Variants in RASSF8 observed in about 807,000 individuals in gnomAD.
The protein encoded by RASSF8 is ras association domain-containing protein 8.
RASSF8 carries 22 observed loss-of-function variants against 48.5 expected under a neutral mutation model. The ratio of observed to expected loss-of-function variants is 0.45; its 90% confidence interval spans 0.32 to 0.65. The LOEUF (loss-of-function observed/expected upper bound fraction) is 0.65, where lower values mean the gene tolerates loss of function less well. Among genes scored for constraint, RASSF8 ranks in the 30% least tolerant of loss-of-function variants. RASSF8 has a pLI of 0.03. For synonymous variants in RASSF8, 127 were observed against 171.5 expected, an observed-to-expected ratio of 0.74 and a Z score of 2.03; for missense variants, 418 against 489.2, an observed-to-expected ratio of 0.85 and a Z score of 1.37.
At chr12:25,978,435 A>G (rs1195670612) in intron 1 of RASSF8, among the ~76,000 whole-genome samples, 1 of 152,226 alleles carries the variant, frequency 6.6e-6, no homozygotes, top group African/African-American at 2.4e-5. Flanking sequence ...TTATATATGT[A>G]CTACATATAA....
chr12:25,996,381 A>G (rs12317401), intron 2 of RASSF8, among the ~76,000 whole-genome samples: 10,115 of 152,286 alleles, frequency 0.066, 544 homozygotes, highest in African/African-American at 0.15. Context: ...GCTGTGCTAT[A>G]AAGCTTTCTT....
chr12:25,971,570 GAAAAAAAAGA>G lies in RASSF8; in HGVS notation c.-203+12434_-203+12443del, dbSNP rs376052861. On this transcript the variant is annotated intron_variant, in intron 1 of 5. Coordinates refer to ENST00000689635, the MANE Select transcript of RASSF8 (RefSeq NM_001394098.1). ...GTCTTCCTAGTTTTCATTTCATATG[GAAAAAAAAGA>G]AAAAAAAAGAAGAAGAAAAGTATTT... Among the ~76,000 whole-genome samples, 1,189 of 149,104 alleles carry G rather than the reference GAAAAAAAAGA, an allele frequency of 8.0e-3. 14 individuals are homozygous for G. The highest frequency in any genetic ancestry group is 0.028 in the African/African-American group (1,137 of 40,550).
intron 1 of RASSF8, among the ~76,000 whole-genome samples, chr12:25,994,007 C>G (rs945410277): frequency 2.6e-5 from 4 of 152,128 alleles, no homozygotes; most frequent in African/African-American, 9.7e-5. Flanking sequence ...GCTTTGGAGA[C>G]AAAGTCTTCA....
rs889559082 is a variant in RASSF8, at chr12:26,071,490, A to G, written c.*2672A>G. On this transcript the variant is annotated 3_prime_UTR_variant, in exon 6 of 6. Transcript: ENST00000689635. ...ATTTAAAGATCTTTTTATCTTACCAAGAAATAATTTGGAATAGCATTGGTA... is the reference window on the plus strand; with the variant it reads ...ATTTAAAGATCTTTTTATCTTACCAGGAAATAATTTGGAATAGCATTGGTA... 1 of 960,978 alleles carries G rather than the reference A, an allele frequency of 1.0e-6. No individual in the cohort carries two copies. The highest frequency in any genetic ancestry group is 1.8e-5 in the African/African-American group (1 of 56,630). 59.5% of individuals were successfully genotyped at this position (960,978 alleles called of 1,614,324 possible).
At chr12:26,022,368 A>G (rs1344553972) in intron 2 of RASSF8, among the ~76,000 whole-genome samples, 1 of 152,218 alleles carries the variant, frequency 6.6e-6, no homozygotes, top group African/African-American at 2.4e-5. Context: ...AGCAACAAAG[A>G]CAAGCCCAGA....
At position 26,071,613 on chromosome 12, in the gene RASSF8, T is replaced by C; in HGVS notation, c.*2795T>C. The C allele has an allele frequency of 1.0e-6, 1 of 985,256 alleles. No homozygotes were observed. 61.0% of individuals were successfully genotyped at this position (985,256 alleles called of 1,614,324 possible). ...TAGTCCCTTTCTTGTCCTTCTGAGA[T>C]ATTTTGGTTTGATAACATTTTGTTT... On this transcript the variant is annotated 3_prime_UTR_variant, in exon 6 of 6. Coordinates refer to ENST00000689635, the MANE Select transcript of RASSF8 (RefSeq NM_001394098.1).
chr12:26,024,955 T>C (rs2137079874), intron 2 of RASSF8, among the ~76,000 whole-genome samples: 1 of 151,488 alleles, frequency 6.6e-6, no homozygotes, highest in South Asian at 2.1e-4. Flanking sequence ...CGAGACTCCG[T>C]CTCAAAAAAA....
chr12:25,967,929 C>T (rs1941395747), intron 1 of RASSF8, among the ~76,000 whole-genome samples: 1 of 152,214 alleles, frequency 6.6e-6, no homozygotes, highest in Admixed American at 6.5e-5. Context: ...TCACCATGCA[C>T]ACCCTGGATC....
chr12:26,056,340 G>T (rs1943601785), intron 3 of RASSF8, among the ~76,000 whole-genome samples: 2 of 151,998 alleles, frequency 1.3e-5, no homozygotes, highest in Non-Finnish European at 2.9e-5. Flanking sequence ...AAATGATGAG[G>T]GCATAAACAC....
intron 1 of RASSF8, among the ~76,000 whole-genome samples, chr12:25,984,963 T>G (rs1312582871): frequency 3.3e-5 from 5 of 152,184 alleles, no homozygotes; most frequent in African/African-American, 1.2e-4. Context: ...TTTATGGACA[T>G]TAACAAACTG....
chr12:26,024,513 A>G (rs1942860300), intron 2 of RASSF8, among the ~76,000 whole-genome samples: 1 of 152,252 alleles, frequency 6.6e-6, no homozygotes, highest in Non-Finnish European at 1.5e-5. Flanking sequence ...AAACTTTACA[A>G]GAAAACTACA....
chr12:26,015,134 G>A (rs1942617720), intron 2 of RASSF8, among the ~76,000 whole-genome samples: 1 of 151,330 alleles, frequency 6.6e-6, no homozygotes, highest in Non-Finnish European at 1.5e-5. Context: ...ATAAGCCTGG[G>A]AAGTCGAGGC....
chr12:26,032,484 C>A (rs1943049654), intron 2 of RASSF8, among the ~76,000 whole-genome samples: 1 of 152,092 alleles, frequency 6.6e-6, no homozygotes, highest in African/African-American at 2.4e-5. Context: ...ATGGCTGAGT[C>A]AAAGGTTCCC....
chr12:25,977,449 T>C (rs1038799125), intron 1 of RASSF8, among the ~76,000 whole-genome samples: 2 of 152,228 alleles, frequency 1.3e-5, no homozygotes, highest in African/African-American at 4.8e-5. Context: ...CCCAACTTCC[T>C]ACTAAGTCTC....
At chr12:26,024,987 A>G (rs1346840382) in intron 2 of RASSF8, among the ~76,000 whole-genome samples, 3 of 152,122 alleles carry the variant, frequency 2.0e-5, no homozygotes, top group Admixed American at 2.0e-4. Flanking sequence ...AATACACTAC[A>G]TCAATAGAAT....
chr12:26,072,508 G>A lies in RASSF8; in HGVS notation c.*3690G>A. ...ATATTAAACCAGCAGAAATATAAAGGCAATAAAGTATATACATATATATGG... is the reference window on the plus strand; with the variant it reads ...ATATTAAACCAGCAGAAATATAAAGACAATAAAGTATATACATATATATGG... On this transcript the variant is annotated 3_prime_UTR_variant, in exon 6 of 6. Transcript: ENST00000689635. The A allele has an allele frequency of 2.1e-6, 2 of 971,516 alleles. No individual in the cohort carries two copies. Among genetic ancestry groups the A allele is most frequent in the Non-Finnish European group, 2.4e-6 (2 of 817,482 alleles). The allele number at this position is 971,516 out of a possible 1,614,324, so 60.2% of individuals were successfully genotyped here. A position where few individuals can be genotyped will look rare whatever the true frequency, so the allele number is the denominator to read the frequency against.
At chr12:26,063,856 G>T (rs1943803004) in intron 3 of RASSF8, among the ~76,000 whole-genome samples, 1 of 151,668 alleles carries the variant, frequency 6.6e-6, no homozygotes, top group Non-Finnish European at 1.5e-5. Flanking sequence ...TCATTGAGCT[G>T]GTTTTTTGTT....
chr12:25,999,078 A>T (rs2136973802), intron 2 of RASSF8, among the ~76,000 whole-genome samples: 1 of 152,328 alleles, frequency 6.6e-6, no homozygotes, highest in East Asian at 1.9e-4. Context: ...AGGCTCTGGG[A>T]CAAGTAAATA....
intron 1 of RASSF8, among the ~76,000 whole-genome samples, chr12:25,968,730 A>G (rs1327131788): frequency 6.6e-6 from 1 of 152,242 alleles, no homozygotes; most frequent in Non-Finnish European, 1.5e-5. Flanking sequence ...AAAACACACA[A>G]AGCTCCTGTT....
Sources: allele counts gnomAD v4.1 joint callset (sites outside exome capture counted in the v4.1 genomes callset), GRCh38; gene constraint gnomAD v4.1.1; transcripts MANE v1.5; gene names NCBI Gene and HGNC (gene_info 2026-07-23, HGNC 2026-07-21).